RAPGEF4: variants seen among roughly 807,000 people sequenced by gnomAD.
The protein encoded by RAPGEF4 is Rap guanine nucleotide exchange factor 4, also known as RAP guanine-nucleotide-exchange factor (GEF) 4.
Under a neutral mutation model 147.9 loss-of-function variants are expected in RAPGEF4, and 66 were observed. The observed-to-expected ratio is 0.45, with a 90% CI of 0.37 to 0.55. The LOEUF is 0.55. Ranked by LOEUF, RAPGEF4 falls within the 20% of genes least tolerant of loss-of-function variation. The pLI is 0.00. For synonymous variants in RAPGEF4, 419 were observed against 442.7 expected, an observed-to-expected ratio of 0.95 and a Z score of 0.67; for missense variants, 1,071 against 1,257.3, an observed-to-expected ratio of 0.85 and a Z score of 2.24.
chr2:172,904,716 A>G (rs912630666), intron 4 of RAPGEF4, among the ~76,000 whole-genome samples: 1 of 151,716 alleles, frequency 6.6e-6, no homozygotes, highest in Non-Finnish European at 1.5e-5. Flanking sequence ...AATTTTCTCT[A>G]CCCGATACAC....
At chr2:172,745,522 G>T (rs920092462) in intron 1 of RAPGEF4, among the ~76,000 whole-genome samples, 2 of 151,250 alleles carry the variant, frequency 1.3e-5, no homozygotes, top group Non-Finnish European at 3.0e-5. Context: ...ACAACTTTTA[G>T]TTGATTTACT....
At position 172,738,832 on chromosome 2, in the gene RAPGEF4, C is replaced by T. The variant is rs7582422; in HGVS notation, c.65+2784C>T. The stretch of plus-strand genomic sequence containing the variant: ...TGTGGATGGTGAAAAAAAGAGAAAC[C>T]CTGGGACTGGAAATAAAAAGAGAGT... On this transcript the variant is annotated intron_variant, in intron 1 of 30. Coordinates refer to ENST00000397081, the MANE Select transcript of RAPGEF4 (RefSeq NM_007023.4). Among the ~76,000 whole-genome samples, 229 of 151,960 alleles carry T rather than the reference C, an allele frequency of 1.5e-3. 2 individuals carry two copies. The highest frequency in any genetic ancestry group is 6.8e-3 in the Middle Eastern group (2 of 292).
intron 4 of RAPGEF4, among the ~76,000 whole-genome samples, chr2:172,844,814 A>C (rs1229055960): frequency 1.3e-5 from 2 of 152,234 alleles, no homozygotes; most frequent in African/African-American, 4.8e-5. Flanking sequence ...ATTGTAAGCC[A>C]CTCAAAAGTG....
At chr2:172,927,635 T>TAA (rs146175839) in intron 6 of RAPGEF4, among the ~76,000 whole-genome samples, 31 of 148,852 alleles carry the variant, frequency 2.1e-4, no homozygotes, top group East Asian at 3.9e-4. Context: ...ACCTTGTCTC[T>TAA]AAAAAAAAAA....
Position 172,766,222 on chromosome 2 carries a change from A to G in RAPGEF4, c.66-28803A>G, listed in dbSNP as rs527885966. On this transcript the variant is annotated intron_variant, in intron 1 of 30. Coordinates refer to ENST00000397081, the MANE Select transcript of RAPGEF4 (RefSeq NM_007023.4). ...GAGGTAGACCATGATACAATAAAGT[A>G]CACATATCTAGATTATAAAATTATA... Among the ~76,000 whole-genome samples, 419 of 152,276 alleles carry G rather than the reference A, an allele frequency of 2.8e-3. 2 individuals are homozygous for G. The highest frequency in any genetic ancestry group is 4.5e-3 in the Non-Finnish European group (305 of 68,022).
chr2:172,903,075 G>A (rs1699239327), intron 4 of RAPGEF4, among the ~76,000 whole-genome samples: 1 of 152,090 alleles, frequency 6.6e-6, no homozygotes, highest in South Asian at 2.1e-4. Context: ...AGGAATTGAA[G>A]TACAAAGTCT....
intron 1 of RAPGEF4, among the ~76,000 whole-genome samples, chr2:172,771,603 C>A (rs1205186293): frequency 6.6e-6 from 1 of 151,854 alleles, no homozygotes; most frequent in East Asian, 1.9e-4. Flanking sequence ...TTTTTAAATT[C>A]TTTTTATTTT....
intron 4 of RAPGEF4, among the ~76,000 whole-genome samples, chr2:172,841,290 C>T (rs1049204701): frequency 6.6e-6 from 1 of 152,186 alleles, no homozygotes; most frequent in Non-Finnish European, 1.5e-5. Flanking sequence ...TTCCCCCTTT[C>T]TTCCTTTCTT....
chr2:173,051,688 A>T lies in RAPGEF4; in HGVS notation c.2957A>T (p.Tyr986Phe), dbSNP rs763051657. The T allele has an allele frequency of 6.2e-7, 1 of 1,613,984 alleles. No individual in the cohort carries two copies. The highest frequency in any genetic ancestry group is 8.5e-7 in the Non-Finnish European group (1 of 1,179,858). The change falls in exon 31 of 31, where the codon TAT (tyrosine) becomes TTT (phenylalanine). Residue 986 changes from tyrosine to phenylalanine, a missense_variant. By Grantham distance (22) the Tyr-to-Phe change is conservative (BLOSUM62 3). Coordinates refer to ENST00000397081, the MANE Select transcript of RAPGEF4 (RefSeq NM_007023.4). ...AAGAACCATCAGGATGTCCGGAGTT[A>T]TGTACGGCAATTAAATGTGATTGAC... ...ANKNHQDVRS[Y>F]VRQLNVIDNQ...
intron 4 of RAPGEF4, among the ~76,000 whole-genome samples, chr2:172,828,708 C>T (rs1448456416): frequency 6.6e-6 from 1 of 152,154 alleles, no homozygotes; most frequent in African/African-American, 2.4e-5. Flanking sequence ...CTGAAGGGGC[C>T]CTTTGCCTAC....
intron 29 of RAPGEF4, among the ~76,000 whole-genome samples, chr2:173,037,666 G>A (rs1684216854): frequency 1.3e-5 from 2 of 152,164 alleles, no homozygotes; most frequent in African/African-American, 4.8e-5. Flanking sequence ...CTCTGTGGGT[G>A]AGCATTTGCC....
At chr2:172,958,985 C>T (rs928864773) in intron 6 of RAPGEF4, among the ~76,000 whole-genome samples, 1 of 151,950 alleles carries the variant, frequency 6.6e-6, no homozygotes, top group Non-Finnish European at 1.5e-5. Flanking sequence ...CTTTATTTAC[C>T]TCATTTTTTA....
chr2:172,974,958 T>C lies in RAPGEF4; in HGVS notation c.1004+7514T>C. 1.3e-5 allele frequency among the ~76,000 whole-genome samples: 2 copies of C among 152,176 alleles called. 1 individual carries two copies. The highest frequency in any genetic ancestry group is 1.3e-4 in the Admixed American group (2 of 15,276). On this transcript the variant is annotated intron_variant, in intron 10 of 30. Coordinates refer to ENST00000397081, the MANE Select transcript of RAPGEF4 (RefSeq NM_007023.4). The stretch of plus-strand genomic sequence containing the variant: ...AGCAGAATCCAACGGGCCATATGGG[T>C]CTAAAGTTTTACAATCCATTGTCAA...
intron 10 of RAPGEF4, among the ~76,000 whole-genome samples, chr2:172,979,933 C>G (rs917588901): frequency 4.6e-5 from 7 of 152,150 alleles, no homozygotes; most frequent in African/African-American, 1.4e-4. Context: ...CAGGAGAATC[C>G]TTAAACTCGG....
chr2:173,024,468 C>T (rs1002049771), intron 23 of RAPGEF4, among the ~76,000 whole-genome samples: 2 of 151,960 alleles, frequency 1.3e-5, no homozygotes, highest in African/African-American at 2.4e-5. Flanking sequence ...CCGCCCGCCT[C>T]GGCCTCCCAA....
At chr2:172,915,803 A>C (rs1684013390) in intron 4 of RAPGEF4, among the ~76,000 whole-genome samples, 1 of 152,010 alleles carries the variant, frequency 6.6e-6, no homozygotes, top group Non-Finnish European at 1.5e-5. Context: ...TCATGAGTTA[A>C]TAATTATTGA....
At chr2:172,928,322 ATCTC>A in intron 6 of RAPGEF4, 1 of 419,214 alleles carries the variant, frequency 2.4e-6, no homozygotes, top group Non-Finnish European at 4.8e-6. Flanking sequence ...TAGCCATACC[ATCTC>A]TCTCTCTAGC....
At chr2:172,852,153 G>A (rs191017622) in intron 4 of RAPGEF4, among the ~76,000 whole-genome samples, 63 of 152,234 alleles carry the variant, frequency 4.1e-4, no homozygotes, top group African/African-American at 1.3e-3. Flanking sequence ...TAACTCTGCA[G>A]ACAGTGTCAC....
At chr2:172,792,533 A>C (rs1039077091) in intron 1 of RAPGEF4, among the ~76,000 whole-genome samples, 1 of 152,136 alleles carries the variant, frequency 6.6e-6, no homozygotes, top group African/African-American at 2.4e-5. Context: ...AAACCCTTCT[A>C]GTAGGGGTTT....
Sources: gnomAD v4.1 joint callset for allele counts (sites outside exome capture counted in the v4.1 genomes callset) on GRCh38, gnomAD v4.1.1 for gene constraint, MANE v1.5 for transcripts, NCBI Gene and HGNC (gene_info 2026-07-23, HGNC 2026-07-21) for gene names.